AFG2A: variants seen among roughly 807,000 people sequenced by gnomAD.
The protein encoded by AFG2A is AAA ATPase AFG2A.
chr4:123,167,713 T>C, the AFG2A span, among the ~76,000 whole-genome samples: 3 of 152,162 alleles, frequency 2.0e-5, no homozygotes, highest in Non-Finnish European at 2.9e-5. Context: ...CAAACTTCTA[T>C]GAATATACCT....
the AFG2A span, among the ~76,000 whole-genome samples, chr4:123,149,030 A>C: frequency 6.6e-6 from 1 of 152,106 alleles, no homozygotes; most frequent in East Asian, 1.9e-4. Flanking sequence ...CGGCCTCCCA[A>C]AGTGCTGGGA....
At chr4:122,960,343 T>C in the AFG2A span, among the ~76,000 whole-genome samples, 1 of 152,230 alleles carries the variant, frequency 6.6e-6, no homozygotes, top group Admixed American at 6.5e-5. Context: ...TATGTAGCAG[T>C]GACATAAGTT....
the AFG2A span, among the ~76,000 whole-genome samples, chr4:122,941,698 C>T: frequency 1.5e-4 from 23 of 151,754 alleles, 1 homozygote; most frequent in East Asian, 1.9e-3. Context: ...GAGAGGGCAT[C>T]CCTGTCTTGT....
the AFG2A span, among the ~76,000 whole-genome samples, chr4:123,083,931 G>T: frequency 1.3e-5 from 2 of 152,030 alleles, no homozygotes; most frequent in Non-Finnish European, 2.9e-5. Context: ...ACCAGGAAAC[G>T]ATCTGGGTTT....
chr4:123,193,158 C>T, the AFG2A span, among the ~76,000 whole-genome samples: 1 of 152,174 alleles, frequency 6.6e-6, no homozygotes, highest in Non-Finnish European at 1.5e-5. Context: ...AAACATTGCA[C>T]ATTAACCCAG....
chr4:123,152,253 TAACA>T, the AFG2A span, among the ~76,000 whole-genome samples: 5 of 152,084 alleles, frequency 3.3e-5, no homozygotes, highest in African/African-American at 4.8e-5. Context: ...CACACCTATG[TAACA>T]AACCTGCACA....
At chr4:123,211,090 ATGT>A in the AFG2A span, among the ~76,000 whole-genome samples, 1 of 152,172 alleles carries the variant, frequency 6.6e-6, no homozygotes, top group African/African-American at 2.4e-5. Context: ...AGAGTTTGAA[ATGT>A]TGTATACGTT....
chr4:123,147,564 A>C, the AFG2A span, among the ~76,000 whole-genome samples: 1 of 152,172 alleles, frequency 6.6e-6, no homozygotes, highest in African/African-American at 2.4e-5. Flanking sequence ...ACAGATTTCA[A>C]ATACTTGAGG....
At chr4:123,108,084 G>A in the AFG2A span, among the ~76,000 whole-genome samples, 1 of 152,196 alleles carries the variant, frequency 6.6e-6, no homozygotes, top group South Asian at 2.1e-4. Context: ...CAGCCTTGAC[G>A]GCTTGGCAGA....
At chr4:123,203,610 C>T in the AFG2A span, among the ~76,000 whole-genome samples, 4 of 152,348 alleles carry the variant, frequency 2.6e-5, no homozygotes, top group Middle Eastern at 3.4e-3. Context: ...AGTAGTTACA[C>T]TGCTTTATGG....
At chr4:123,197,210 A>G in the AFG2A span, among the ~76,000 whole-genome samples, 1 of 152,226 alleles carries the variant, frequency 6.6e-6, no homozygotes, top group Non-Finnish European at 1.5e-5. Flanking sequence ...TATGGGGGAC[A>G]TTAGTCTTCT....
the AFG2A span, among the ~76,000 whole-genome samples, chr4:123,131,194 T>G: frequency 1.9e-3 from 291 of 152,296 alleles, no homozygotes; most frequent in Admixed American, 4.2e-3. Context: ...GTCTTTTCTT[T>G]TTATTAACAC....
chr4:123,005,678 T>C, the AFG2A span, among the ~76,000 whole-genome samples: 1 of 152,216 alleles, frequency 6.6e-6, no homozygotes, highest in Admixed American at 6.5e-5. Flanking sequence ...ATATTTGATA[T>C]AGTGTATTTT....
chr4:122,970,798 G>A, the AFG2A span, among the ~76,000 whole-genome samples: 1 of 151,578 alleles, frequency 6.6e-6, no homozygotes, highest in Non-Finnish European at 1.5e-5. Flanking sequence ...ACGTATCCCT[G>A]TCATTAAGCA....
chr4:123,242,559 A>G, the AFG2A span, among the ~76,000 whole-genome samples: 2 of 152,238 alleles, frequency 1.3e-5, no homozygotes, highest in African/African-American at 4.8e-5. Flanking sequence ...CAGAAAGCTG[A>G]AACTGGATCC....
the AFG2A span, among the ~76,000 whole-genome samples, chr4:123,061,479 C>T: frequency 5.0e-3 from 768 of 152,300 alleles, 7 homozygotes; most frequent in African/African-American, 0.017. Context: ...TACGTGGTGG[C>T]AGGCAAGAGA....
chr4:123,179,265 G>A, the AFG2A span, among the ~76,000 whole-genome samples: 254 of 152,288 alleles, frequency 1.7e-3, 5 homozygotes, highest in Non-Finnish European at 2.5e-3. Context: ...GGATAACTGA[G>A]TGTGGTTTTC....
the AFG2A span, among the ~76,000 whole-genome samples, chr4:123,189,265 C>T: frequency 6.6e-6 from 1 of 152,118 alleles, no homozygotes; most frequent in African/African-American, 2.4e-5. Context: ...AACTCTTTTT[C>T]ACCTAAGATT....
the AFG2A span, among the ~76,000 whole-genome samples, chr4:123,274,549 C>G: frequency 6.6e-6 from 1 of 150,596 alleles, no homozygotes; most frequent in South Asian, 2.1e-4. Flanking sequence ...TGGATCGTTG[C>G]TGGTTTGGGC....
Sources: allele counts gnomAD v4.1 joint callset (sites outside exome capture counted in the v4.1 genomes callset), GRCh38; gene constraint gnomAD v4.1.1; transcripts MANE v1.5; gene names NCBI Gene and HGNC (gene_info 2026-07-23, HGNC 2026-07-21).